The following ARHGAP29 variants were observed in gnomAD, a reference collection of about 807,000 sequenced individuals.
ARHGAP29 encodes Rho GTPase activating protein 29.
Under a neutral mutation model 122.6 loss-of-function variants are expected in ARHGAP29, and 43 were observed. That is an observed-to-expected ratio of 0.35 (90% confidence interval 0.27 to 0.45). ARHGAP29 has a LOEUF of 0.45. ARHGAP29 is among the 20% of genes least tolerant of loss of function. The probability of loss-of-function intolerance (pLI) is 1.00; values close to 1 mark genes in which losing one functional copy is unlikely to be tolerated. For missense variants in ARHGAP29, 1,303 were observed against 1,477.2 expected (o/e 0.88, Z 1.93); for synonymous variants, 506 against 497.1 (o/e 1.02, Z -0.24).
At chr1:94,204,912 G>T (rs763495671) in intron 7 of ARHGAP29, 149 bp downstream of exon 7, 17 of 747,378 alleles carry the variant, frequency 2.3e-5, no homozygotes, top group Non-Finnish European at 3.3e-5. Context: ...TCCATCTAGT[G>T]TAAGAAGAGT....
At chr1:94,184,428 G>T in intron 18 of ARHGAP29, 140 bp from the exon 19 acceptor site, 2 of 689,008 alleles carry the variant, frequency 2.9e-6, no homozygotes, top group Non-Finnish European at 2.3e-6. Context: ...ACTATTCAAG[G>T]CCAAATGAAG....
Position 94,174,151 on chromosome 1 carries a change from T to C in ARHGAP29, c.3504A>G (p.Lys1168=). The change falls in exon 23 of 23, where the codon AAA becomes AAG. Residue 1168 remains lysine, a synonymous_variant. Coordinates refer to ENST00000260526, the MANE Select transcript of ARHGAP29 (RefSeq NM_004815.4). ...TGATACTGATGATGGGAGCATGTGG[T>C]TTATAAAATGTTGTCCAATGTTGAG... ...LQPQHWTTFY[K]PHAPIISIRG... 6.2e-7 allele frequency: 1 copy of C among 1,614,104 alleles called. No homozygotes were observed. The highest frequency in any genetic ancestry group is 8.5e-7 in the Non-Finnish European group (1 of 1,180,028).
chr1:94,220,401 AG>A lies in ARHGAP29; in HGVS notation c.206-10del. 1 of 1,572,098 alleles carries A rather than the reference AG, an allele frequency of 6.4e-7. No individual in the cohort carries two copies. Among genetic ancestry groups the A allele is most frequent in the African/African-American group, 1.4e-5 (1 of 72,718 alleles). ...AACTTCTTTAAAACAGTCTTTAAAA[AG>A]AAAAAAAAATAATTTATTTCCAGAG... On this transcript the variant is annotated splice_polypyrimidine_tract_variant and intron_variant, in intron 2 of 22. Coordinates refer to ENST00000260526, the MANE Select transcript of ARHGAP29 (RefSeq NM_004815.4).
At chr1:94,255,556 C>A (rs563839409) in intron 1 of ARHGAP29, among the ~76,000 whole-genome samples, 1 of 152,310 alleles carries the variant, frequency 6.6e-6, no homozygotes, top group Admixed American at 6.5e-5. Flanking sequence ...CCTGTGGCTG[C>A]AAATTGCCAT....
chr1:94,218,155 A>G (rs915112993), intron 3 of ARHGAP29, among the ~76,000 whole-genome samples: 1 of 152,204 alleles, frequency 6.6e-6, no homozygotes, highest in African/African-American at 2.4e-5. Flanking sequence ...ATATTTTTAA[A>G]TGGCCTCAAA....
In ARHGAP29 at chr1:94,189,236, G is replaced by A; in HGVS notation, c.1556C>T (p.Ser519Phe). 1 of 1,611,684 alleles carries A rather than the reference G, an allele frequency of 6.2e-7. No homozygotes were observed. The highest frequency in any genetic ancestry group is 8.5e-7 in the Non-Finnish European group (1 of 1,179,116). ...SSNKIEEDRC[S>F]NSADITGPSF... is the part of the protein sequence containing the mutation. ...ACTACCTGTTATATCTGCACTGTTA[G>A]AGCATCTGTCCTCTTCAATTTTATT... Residue 519 changes from serine (S) to phenylalanine (F), a missense_variant, in exon 14 of 23, where the codon TCT (serine) becomes TTT (phenylalanine). Physicochemically the swap from Ser to Phe is radical, Grantham distance 155. Around this residue, in one of 3 missense-constraint regions of ARHGAP29, gnomAD observed 592 missense variants for 648.2 expected, o/e 0.91. Coordinates refer to ENST00000260526, the MANE Select transcript of ARHGAP29 (RefSeq NM_004815.4).
chr1:94,240,798 T>C (rs933284746), upstream of ARHGAP29, among the ~76,000 whole-genome samples: 1 of 152,208 alleles, frequency 6.6e-6, no homozygotes, highest in African/African-American at 2.4e-5. Flanking sequence ...ATCTTCCTCA[T>C]GTGTTCTCTT....
chr1:94,281,382 T>A, the ARHGAP29 span, among the ~76,000 whole-genome samples: 1 of 152,162 alleles, frequency 6.6e-6, no homozygotes, highest in South Asian at 2.1e-4. Context: ...TGTGCTATCA[T>A]ATCTCGCTGG....
chr1:94,285,385 G>C, the ARHGAP29 span, among the ~76,000 whole-genome samples: 1 of 152,068 alleles, frequency 6.6e-6, no homozygotes, highest in Non-Finnish European at 1.5e-5. Context: ...TCACAAGCTA[G>C]TGTGAGAGAC....
In ARHGAP29 at chr1:94,169,591, A is replaced by G. The variant is rs1648595396; in HGVS notation, c.*4278T>C. Among the ~76,000 whole-genome samples, 1 of 152,158 alleles carries G rather than the reference A, an allele frequency of 6.6e-6. No individual in the cohort carries two copies. Among genetic ancestry groups the G allele is most frequent in the Non-Finnish European group, 1.5e-5 (1 of 68,040 alleles). Reference sequence around the variant, plus strand: ...AAAGTTTTCAATACGTATGTATATAAATAGATATAGAAGTAGGTGACTATT... The same window carrying G: ...AAAGTTTTCAATACGTATGTATATAGATAGATATAGAAGTAGGTGACTATT... On this transcript the variant is annotated 3_prime_UTR_variant, in exon 23 of 23. Coordinates refer to ENST00000260526, the MANE Select transcript of ARHGAP29 (RefSeq NM_004815.4).
Position 94,237,441 on chromosome 1 carries a change from C to A in ARHGAP29, c.-59G>T, listed in dbSNP as rs924788162. The A allele has an allele frequency of 2.7e-5, 27 of 986,998 alleles. No homozygotes were observed. The highest frequency in any genetic ancestry group is 5.2e-4 in the Middle Eastern group (1 of 1,938). The allele number at this position is 986,998 out of a possible 1,614,324, so 61.1% of individuals were successfully genotyped here. ...ACGGCGCTCCATCTCGCGTGCCGGA[C>A]GCGGACGCCCGCCCCACACCTACGG... On this transcript the variant is annotated 5_prime_UTR_variant, in exon 1 of 23. Transcript: ENST00000260526.
At chr1:94,209,219 G>T in intron 4 of ARHGAP29, 35 bp downstream of exon 4, 1 of 1,416,960 alleles carries the variant, frequency 7.1e-7, no homozygotes, top group South Asian at 1.2e-5. Flanking sequence ...AAGACACCTA[G>T]GACTAGTTGC....
intron 18 of ARHGAP29, 65 bp downstream of exon 18, chr1:94,184,807 C>T (rs550216169): frequency 7.7e-7 from 1 of 1,301,110 alleles, no homozygotes; most frequent in South Asian, 1.5e-5. Context: ...TTTAAAGTCT[C>T]CTTTTCATTA....
chr1:94,231,509 T>C lies in ARHGAP29; in HGVS notation c.103A>G (p.Ser35Gly). ...TTSEMGLKSL[S>G]SNSIFDPDYI... ...TCCGGATCAAAAATAGAGTTGGAAC[T>C]TAAGGACTTGAGCCCCATTTCAGAA... Residue 35 changes from serine (S) to glycine (G), a missense_variant, in exon 2 of 23, where the codon AGT becomes GGT. Transcript: ENST00000260526. 1 of 1,613,740 alleles carries C rather than the reference T, an allele frequency of 6.2e-7. No homozygotes were observed. The highest frequency in any genetic ancestry group is 2.2e-5 in the East Asian group (1 of 44,854).
At chr1:94,247,003 A>G (rs2100686897) in intron 1 of ARHGAP29, among the ~76,000 whole-genome samples, 1 of 152,194 alleles carries the variant, frequency 6.6e-6, no homozygotes, top group South Asian at 2.1e-4. Flanking sequence ...GGTGTTTTAC[A>G]ACCTTAGATC....
the ARHGAP29 span, among the ~76,000 whole-genome samples, chr1:94,284,870 C>T: frequency 6.6e-6 from 1 of 152,164 alleles, no homozygotes; most frequent in South Asian, 2.1e-4. Flanking sequence ...ACTCCATAAA[C>T]ATATGTTGAA....
At chr1:94,313,018 A>G in the ARHGAP29 span, among the ~76,000 whole-genome samples, 2 of 152,308 alleles carry the variant, frequency 1.3e-5, no homozygotes, top group Admixed American at 1.3e-4. Context: ...ACAGATCTCA[A>G]TCACCTTCTC....
At chr1:94,275,644 C>T (rs1195297529), upstream of ARHGAP29, among the ~76,000 whole-genome samples, 3 of 151,960 alleles carry the variant, frequency 2.0e-5, no homozygotes, top group South Asian at 2.1e-4. Context: ...TTAGCCCCAG[C>T]GTTGGTTTAA....
At chr1:94,203,906 C>A in intron 8 of ARHGAP29, 24 bp downstream of exon 8, 1 of 1,606,276 alleles carries the variant, frequency 6.2e-7, no homozygotes, top group Non-Finnish European at 8.5e-7. Context: ...ATTATAGAAC[C>A]CCCGAAGTTC....
Sources: gnomAD v4.1 joint callset for allele counts (sites outside exome capture counted in the v4.1 genomes callset) on GRCh38, gnomAD v4.1.1 for gene constraint, gnomAD v4.1.1 regional missense constraint, MANE v1.5 for transcripts, NCBI Gene and HGNC (gene_info 2026-07-23, HGNC 2026-07-21) for gene names.